Variants in PDE3B observed in about 807,000 individuals in gnomAD.
The protein encoded by PDE3B is cGMP-inhibited 3',5'-cyclic phosphodiesterase 3B.
Under a neutral mutation model 116.8 loss-of-function variants are expected in PDE3B, and 66 were observed. The observed-to-expected ratio is 0.56, with a 90% CI of 0.46 to 0.69. The LOEUF (loss-of-function observed/expected upper bound fraction) is 0.69, where lower values mean the gene tolerates loss of function less well. Among genes scored for constraint, PDE3B ranks in the 30% least tolerant of loss-of-function variants. The pLI is 0.00. For synonymous variants in PDE3B, 595 were observed against 533.6 expected, an observed-to-expected ratio of 1.12 and a Z score of -1.59; for missense variants, 1,384 against 1,368.1, an observed-to-expected ratio of 1.01 and a Z score of -0.18.
chr11:14,661,703 G>A (rs1452155106), intron 1 of PDE3B, among the ~76,000 whole-genome samples: 1 of 152,212 alleles, frequency 6.6e-6, no homozygotes, highest in Non-Finnish European at 1.5e-5. Flanking sequence ...CTCACTGATT[G>A]CTAGCACAGC....
At chr11:14,815,960 C>CACACAT (rs1331988128) in intron 5 of PDE3B, among the ~76,000 whole-genome samples, 1 of 151,642 alleles carries the variant, frequency 6.6e-6, no homozygotes, top group African/African-American at 2.4e-5. Context: ...CACACACACA[C>CACACAT]ACACACACAC....
At chr11:14,869,335 A>G in intron 15 of PDE3B, 126 bp from the exon 16 acceptor site, 1 of 472,934 alleles carries the variant, frequency 2.1e-6, no homozygotes, top group Non-Finnish European at 3.5e-6. Context: ...TTATTATACT[A>G]TTATTTTATA....
chr11:14,877,947 A>G, the PDE3B span: 1 of 639,968 alleles, frequency 1.6e-6, no homozygotes, highest in Admixed American at 3.2e-5. Context: ...AAAATCTTGA[A>G]AAACAATCAC....
the PDE3B span, among the ~76,000 whole-genome samples, chr11:14,893,621 C>T: frequency 2.0e-5 from 3 of 152,254 alleles, no homozygotes; most frequent in South Asian, 2.1e-4. Flanking sequence ...CCTTGGCTTT[C>T]GTCCCCATTC....
At chr11:14,892,850 A>C in the PDE3B span, among the ~76,000 whole-genome samples, 1 of 152,234 alleles carries the variant, frequency 6.6e-6, no homozygotes, top group African/African-American at 2.4e-5. Context: ...TGGTCTTTCC[A>C]AACTGATTAC....
chr11:14,822,649 G>C (rs1859558191), intron 7 of PDE3B, among the ~76,000 whole-genome samples: 1 of 152,204 alleles, frequency 6.6e-6, no homozygotes, highest in Non-Finnish European at 1.5e-5. Context: ...GAGCTCTGTG[G>C]CATCTTGGCA....
At chr11:14,659,062 T>C (rs1050380126) in intron 1 of PDE3B, among the ~76,000 whole-genome samples, 1 of 152,202 alleles carries the variant, frequency 6.6e-6, no homozygotes, top group African/African-American at 2.4e-5. Context: ...AAGTTCTTGA[T>C]GTCACAAAAC....
chr11:14,838,020 C>T (rs868152637), intron 11 of PDE3B, among the ~76,000 whole-genome samples: 11 of 151,394 alleles, frequency 7.3e-5, no homozygotes, highest in African/African-American at 2.4e-4. Flanking sequence ...ACTTTGTCGC[C>T]CAGGCTGGAG....
At chr11:14,812,718 A>C (rs1280448671) in intron 5 of PDE3B, among the ~76,000 whole-genome samples, 1 of 152,198 alleles carries the variant, frequency 6.6e-6, no homozygotes, top group Non-Finnish European at 1.5e-5. Flanking sequence ...GGTCCAGATG[A>C]CTTTACTGGT....
chr11:14,789,145 A>T lies in PDE3B; in HGVS notation c.1318A>T (p.Arg440Ter), dbSNP rs1239742924. The change falls in exon 4 of 16, where the codon AGA becomes TGA. Residue 440 changes from arginine (R) to a stop codon, truncating the protein, a stop_gained. Coordinates refer to ENST00000282096, the MANE Select transcript of PDE3B (RefSeq NM_000922.4). LOFTEE classifies it high-confidence loss of function. ...TAGTTTGCCAACTCCACAGCTGAGG[A>T]GAAGCTCAGGAACTTCAGGATTGCT... Reference protein sequence around the residue: ...RNSLPTPQLRRSSGTSGLLPV... With the variant: ...RNSLPTPQLR 6.2e-7 allele frequency: 1 copy of T among 1,611,182 alleles called. No individual in the cohort carries two copies. The highest frequency in any genetic ancestry group is 8.5e-7 in the Non-Finnish European group (1 of 1,177,926).
intron 12 of PDE3B, among the ~76,000 whole-genome samples, chr11:14,852,559 C>T (rs1240369106): frequency 3.3e-5 from 5 of 152,268 alleles, no homozygotes; most frequent in South Asian, 2.1e-4. Flanking sequence ...TCAATAATCA[C>T]GTTATTTCTA....
intron 1 of PDE3B, among the ~76,000 whole-genome samples, chr11:14,693,640 T>C (rs1382490348): frequency 1.3e-5 from 2 of 152,156 alleles, no homozygotes; most frequent in Non-Finnish European, 2.9e-5. Flanking sequence ...AGTCCACTGT[T>C]GAGATCTACT....
chr11:14,886,047 A>G, the PDE3B span: 1 of 851,024 alleles, frequency 1.2e-6, no homozygotes. Context: ...GGCAGTTATT[A>G]CTCAACTGAC....
chr11:14,733,146 A>G (rs930576395), intron 1 of PDE3B, among the ~76,000 whole-genome samples: 2 of 152,178 alleles, frequency 1.3e-5, no homozygotes, highest in South Asian at 2.1e-4. Flanking sequence ...ATGCTTGAAC[A>G]TTTTGATTTT....
intron 11 of PDE3B, among the ~76,000 whole-genome samples, chr11:14,843,312 A>G (rs1847515258): frequency 6.6e-6 from 1 of 152,224 alleles, no homozygotes; most frequent in African/African-American, 2.4e-5. Flanking sequence ...GAAAGAAAAC[A>G]AAAGGGAGAT....
chr11:14,664,538 A>G (rs1304712785), intron 1 of PDE3B, among the ~76,000 whole-genome samples: 1 of 152,210 alleles, frequency 6.6e-6, no homozygotes, highest in Non-Finnish European at 1.5e-5. Flanking sequence ...ATAAAGAAGA[A>G]AAGAGAGAAG....
intron 5 of PDE3B, among the ~76,000 whole-genome samples, chr11:14,817,320 A>T (rs1369900465): frequency 1.3e-5 from 2 of 152,138 alleles, no homozygotes; most frequent in Non-Finnish European, 2.9e-5. Flanking sequence ...TAGCATTAGG[A>T]GATATACCTA....
Position 14,855,382 on chromosome 11 carries a change from A to C in PDE3B, c.2521-3661A>C, listed in dbSNP as rs1274784855. Among the ~76,000 whole-genome samples the C allele has an allele frequency of 2.0e-5, 3 of 152,172 alleles. No individual in the cohort carries two copies. The South Asian group carries it at 6.2e-4, about 32-fold the overall frequency. ...AAAGAATTCCCGAGAAGATGAAAAC[A>C]ATACATCTATAAAAGAACAAAAATT... On this transcript the variant is annotated intron_variant, in intron 12 of 15. Transcript: ENST00000282096.
intron 7 of PDE3B, among the ~76,000 whole-genome samples, chr11:14,827,397 G>A (rs1352173670): frequency 1.3e-5 from 2 of 152,068 alleles, no homozygotes; most frequent in Non-Finnish European, 2.9e-5. Flanking sequence ...TTGCAGACAT[G>A]ATTCTATATC....
Sources: gnomAD v4.1 joint callset for allele counts (sites outside exome capture counted in the v4.1 genomes callset) on GRCh38, gnomAD v4.1.1 for gene constraint, MANE v1.5 for transcripts, NCBI Gene and HGNC (gene_info 2026-07-23, HGNC 2026-07-21) for gene names.